Variants in RFX4 observed in about 807,000 individuals in gnomAD.
RFX4 encodes transcription factor RFX4.
Under a neutral mutation model 95.0 loss-of-function variants are expected in RFX4, and 10 were observed. The ratio of observed to expected loss-of-function variants is 0.11; its 90% confidence interval spans 0.06 to 0.18. The LOEUF is 0.18. Ranked by LOEUF, RFX4 falls within the 10% of genes least tolerant of loss-of-function variation. The pLI, the probability that RFX4 is intolerant of heterozygous loss-of-function variation, is 1.00. For missense variants in RFX4, 640 were observed against 922.0 expected, an observed-to-expected ratio of 0.69 and a Z score of 3.96; for synonymous variants, 321 against 340.7, an observed-to-expected ratio of 0.94 and a Z score of 0.64.
intron 1 of RFX4, among the ~76,000 whole-genome samples, chr12:106,588,737 G>A (rs968555092): frequency 2.0e-5 from 3 of 152,146 alleles, no homozygotes; most frequent in East Asian, 1.9e-4. Context: ...CTGTGTCCGC[G>A]TTTGTGTTCT....
In RFX4 at chr12:106,715,230, G is replaced by A. The variant is rs571355817; in HGVS notation, c.994-170G>A. On this transcript the variant is annotated intron_variant, in intron 10 of 17. Coordinates refer to ENST00000392842, the MANE Select transcript of RFX4 (RefSeq NM_213594.3). ...AACCATAGGAGAAAACAGTGTCTGCGTCTTCTGAGTTACAGAGTCTTCTGG... is the reference window on the plus strand; with the variant it reads ...AACCATAGGAGAAAACAGTGTCTGCATCTTCTGAGTTACAGAGTCTTCTGG... 572 of 675,104 alleles carry A rather than the reference G, an allele frequency of 8.5e-4. 3 individuals are homozygous for A. Among genetic ancestry groups the A allele is most frequent in the Middle Eastern group, 1.2e-3 (3 of 2,408 alleles). 41.8% of individuals were successfully genotyped at this position (675,104 alleles called of 1,614,324 possible).
At chr12:106,739,374 T>C (rs1411919509) in intron 15 of RFX4, among the ~76,000 whole-genome samples, 1 of 152,160 alleles carries the variant, frequency 6.6e-6, no homozygotes, top group Non-Finnish European at 1.5e-5. Flanking sequence ...TGGACACTTC[T>C]CCATTTTTCA....
intron 2 of RFX4, among the ~76,000 whole-genome samples, chr12:106,622,929 T>C (rs766215641): frequency 9.9e-5 from 15 of 151,782 alleles, no homozygotes; most frequent in Non-Finnish European, 2.1e-4. Context: ...CCAAATTGCA[T>C]TTTTTCCCCC....
chr12:106,750,824 G>A (rs771831365), intron 17 of RFX4, 31 bp downstream of exon 17: 1 of 1,501,696 alleles, frequency 6.7e-7, no homozygotes, highest in South Asian at 1.4e-5. Flanking sequence ...TCTTGGCCAG[G>A]CCTTGGTATA....
chr12:106,638,255 A>T (rs1592880901), intron 2 of RFX4, among the ~76,000 whole-genome samples: 1 of 152,176 alleles, frequency 6.6e-6, no homozygotes, highest in East Asian at 1.9e-4. Flanking sequence ...TGATCCACTC[A>T]CCTTGGCCTC....
At chr12:106,757,063 A>T (rs896480337) in intron 17 of RFX4, among the ~76,000 whole-genome samples, 1 of 152,200 alleles carries the variant, frequency 6.6e-6, no homozygotes, top group Non-Finnish European at 1.5e-5. Flanking sequence ...TAATTATTTC[A>T]TCTGTAAACC....
chr12:106,693,019 T>C (rs1361618714), intron 7 of RFX4: 2 of 346,892 alleles, frequency 5.8e-6, no homozygotes, highest in Admixed American at 3.3e-5. Context: ...CTCCACCCAA[T>C]TGCTTAAGCC....
In RFX4 at chr12:106,670,086, C is replaced by T. The variant is rs552851615; in HGVS notation, c.316-11907C>T. On this transcript the variant is annotated intron_variant, in intron 4 of 17. Transcript: ENST00000392842. ...GTAAAAGGGCTACTTAGCACAGAGC[C>T]TGTAATTATAAACACTCAATGCTTG... Among the ~76,000 whole-genome samples the T allele has an allele frequency of 7.9e-4, 120 of 152,198 alleles. 1 individual carries two copies. In the South Asian group the frequency reaches 0.013, roughly 17 times the overall value.
chr12:106,639,574 T>C (rs867263414), intron 3 of RFX4, among the ~76,000 whole-genome samples, 182 bp downstream of exon 3: 3 of 152,166 alleles, frequency 2.0e-5, no homozygotes, highest in Non-Finnish European at 4.4e-5. Context: ...AGCCTGGAGA[T>C]TGGAATTTTT....
At chr12:106,721,175 C>T (rs916880084) in intron 13 of RFX4, among the ~76,000 whole-genome samples, 31 of 152,310 alleles carry the variant, frequency 2.0e-4, no homozygotes, top group African/African-American at 7.2e-4. Flanking sequence ...GTGATTGCTG[C>T]TTCCAAAGCA....
intron 4 of RFX4, among the ~76,000 whole-genome samples, chr12:106,679,427 C>T (rs2041460920): frequency 6.6e-6 from 1 of 151,708 alleles, no homozygotes. Context: ...GCACTCCAGC[C>T]TGGGCAACAG....
intron 2 of RFX4, among the ~76,000 whole-genome samples, chr12:106,619,282 G>T (rs2040132368): frequency 6.6e-6 from 1 of 152,068 alleles, no homozygotes; most frequent in Admixed American, 6.5e-5. Context: ...GTAGTATACT[G>T]AAGATCATGA....
At chr12:106,589,664 C>T (rs2039510661) in intron 1 of RFX4, among the ~76,000 whole-genome samples, 1 of 152,188 alleles carries the variant, frequency 6.6e-6, no homozygotes, top group Non-Finnish European at 1.5e-5. Flanking sequence ...CTAGACTCTG[C>T]TGTCGTGATA....
chr12:106,609,179 G>A (rs562342668), intron 2 of RFX4, among the ~76,000 whole-genome samples: 4 of 152,308 alleles, frequency 2.6e-5, no homozygotes, highest in African/African-American at 7.2e-5. Context: ...CGCTCTAGGC[G>A]GGCAAATGTG....
rs117225553 is a variant in RFX4, at chr12:106,624,241, A to C, written c.131-15091A>C. Among the ~76,000 whole-genome samples, 38 of 152,364 alleles carry C rather than the reference A, an allele frequency of 2.5e-4. No homozygotes were observed. In the East Asian group the frequency reaches 2.7e-3, roughly 11 times the overall value. On this transcript the variant is annotated intron_variant, in intron 2 of 17. Transcript: ENST00000392842. The stretch of plus-strand genomic sequence containing the variant: ...TTTGTCCAAAGAATAAGATTATGAT[A>C]ATTGGACTGACCACAGGTCAAATCT...
intron 7 of RFX4, among the ~76,000 whole-genome samples, chr12:106,693,565 A>G (rs1457061323): frequency 6.6e-6 from 1 of 152,220 alleles, no homozygotes; most frequent in Non-Finnish European, 1.5e-5. Flanking sequence ...GGAGCAGACA[A>G]GAAGGCCCAG....
At chr12:106,726,047 G>A (rs1309796637) in intron 13 of RFX4, among the ~76,000 whole-genome samples, 4 of 151,934 alleles carry the variant, frequency 2.6e-5, no homozygotes, top group African/African-American at 7.3e-5. Flanking sequence ...TCAGGAGTTC[G>A]AGACCAGCCT....
rs111421485 is a variant in RFX4, at chr12:106,757,611, C to T, written c.1936-3586C>T. Among the ~76,000 whole-genome samples, 356 of 151,156 alleles carry T rather than the reference C, an allele frequency of 2.4e-3. 1 individual carries two copies. Among genetic ancestry groups the T allele is most frequent in the Non-Finnish European group, 2.9e-3 (199 of 67,854 alleles). ...TCTGACAAAGATTTTTTGGGAGCTA[C>T]ATCCTTCTCCAGAAGAAGCTAAGAG... On this transcript the variant is annotated intron_variant, in intron 17 of 17. Coordinates refer to ENST00000392842, the MANE Select transcript of RFX4 (RefSeq NM_213594.3).
intron 8 of RFX4, among the ~76,000 whole-genome samples, chr12:106,705,742 G>A (rs1447888135): frequency 6.6e-6 from 1 of 152,136 alleles, no homozygotes; most frequent in Admixed American, 6.5e-5. Flanking sequence ...TGCAGCCAGA[G>A]ATAAGGAGGG....
Sources: gnomAD v4.1 joint callset for allele counts (sites outside exome capture counted in the v4.1 genomes callset) on GRCh38, gnomAD v4.1.1 for gene constraint, MANE v1.5 for transcripts, NCBI Gene and HGNC (gene_info 2026-07-23, HGNC 2026-07-21) for gene names.